Variants in ME1 observed in about 807,000 individuals in gnomAD.
ME1 encodes NADP-dependent malic enzyme.
In ME1, 74 loss-of-function variants were observed where a neutral mutation model predicts 66.4. The observed-to-expected ratio is 1.11, with a 90% CI of 0.92 to 1.35. The LOEUF (loss-of-function observed/expected upper bound fraction) is 1.35, where lower values mean the gene tolerates loss of function less well. Ranked by LOEUF, ME1 falls within the 40% of genes most tolerant of loss-of-function variation. The probability of loss-of-function intolerance (pLI) is 0.00; values close to 1 mark genes in which losing one functional copy is unlikely to be tolerated. For synonymous variants in ME1, 251 were observed against 235.6 expected, an observed-to-expected ratio of 1.07 and a Z score of -0.60; for missense variants, 750 against 694.1, an observed-to-expected ratio of 1.08 and a Z score of -0.90.
chr6:83,419,313 A>G (rs1770220824), intron 1 of ME1, among the ~76,000 whole-genome samples: 1 of 152,212 alleles, frequency 6.6e-6, no homozygotes, highest in Non-Finnish European at 1.5e-5. Context: ...AACTAGTTTC[A>G]GACTACCAGG....
At position 83,430,950 on chromosome 6, in the gene ME1, T is replaced by A. The variant is rs370496428; in HGVS notation, c.5A>T (p.Glu2Val). 4 of 1,570,582 alleles carry A rather than the reference T, an allele frequency of 2.5e-6. No individual in the cohort carries two copies. Among genetic ancestry groups the A allele is most frequent in the Non-Finnish European group, 3.4e-6 (4 of 1,160,930 alleles). Residue 2 changes from glutamate to valine, a missense_variant, in exon 1 of 14, where the codon GAG becomes GTG. Physicochemically the swap from Glu to Val is moderately radical, Grantham distance 121. Transcript: ENST00000369705. M[E>V]PEAPRRRHTH... Reference sequence around the variant, plus strand: ...GTGGCGGCGACGGGGGGCTTCGGGCTCCATGGCTGGCGCCGGGTTCGGCGG... The same window carrying A: ...GTGGCGGCGACGGGGGGCTTCGGGCACCATGGCTGGCGCCGGGTTCGGCGG...
chr6:83,419,162 G>C (rs1206445433), intron 1 of ME1, among the ~76,000 whole-genome samples: 1 of 152,136 alleles, frequency 6.6e-6, no homozygotes, highest in East Asian at 1.9e-4. Flanking sequence ...TTCCTGACTA[G>C]TTATTCCATT....
At chr6:83,353,723 A>G (rs758377267) in intron 3 of ME1, among the ~76,000 whole-genome samples, 1 of 152,160 alleles carries the variant, frequency 6.6e-6, no homozygotes, top group African/African-American at 2.4e-5. Flanking sequence ...CTGTCCCCTG[A>G]GTCCTTTTGA....
At chr6:83,325,772 T>A (rs998487745) in intron 5 of ME1, among the ~76,000 whole-genome samples, 2 of 152,064 alleles carry the variant, frequency 1.3e-5, no homozygotes, top group African/African-American at 4.8e-5. Context: ...GTCAATATCA[T>A]GAAACTGACC....
At chr6:83,374,580 TGCAG>T (rs1185199621) in intron 3 of ME1, among the ~76,000 whole-genome samples, 2 of 152,230 alleles carry the variant, frequency 1.3e-5, no homozygotes, top group African/African-American at 4.8e-5. Context: ...TCTTTTGCTG[TGCAG>T]AAGCTCTTTA....
At chr6:83,410,360 G>C (rs1029736420) in intron 1 of ME1, among the ~76,000 whole-genome samples, 13 of 152,096 alleles carry the variant, frequency 8.5e-5, no homozygotes, top group Admixed American at 8.5e-4. Context: ...AACCTGATTA[G>C]CATATTCATT....
intron 6 of ME1, among the ~76,000 whole-genome samples, chr6:83,268,869 G>C (rs1767037330): frequency 6.6e-6 from 1 of 151,886 alleles, no homozygotes; most frequent in South Asian, 2.1e-4. Context: ...GGGGGTTATA[G>C]GCATGAGCCA....
At chr6:83,300,081 G>C (rs1208819368) in intron 6 of ME1, among the ~76,000 whole-genome samples, 1 of 151,894 alleles carries the variant, frequency 6.6e-6, no homozygotes, top group African/African-American at 2.4e-5. Flanking sequence ...TTGGTTTTCT[G>C]CCAGGTTTTG....
At chr6:83,283,024 C>G (rs1322361337) in intron 6 of ME1, among the ~76,000 whole-genome samples, 7 of 151,000 alleles carry the variant, frequency 4.6e-5, no homozygotes, top group African/African-American at 1.7e-4. Context: ...GTCAGGAGAT[C>G]GAGACCATCC....
chr6:83,327,302 A>G (rs1768313966), intron 5 of ME1, among the ~76,000 whole-genome samples: 2 of 152,234 alleles, frequency 1.3e-5, no homozygotes. Context: ...AATAAGAGAG[A>G]TAACCTTAAA....
Position 83,392,563 on chromosome 6 carries a change from A to G in ME1, c.362+5804T>C, listed in dbSNP as rs878941063. On this transcript the variant is annotated intron_variant, in intron 3 of 13. Transcript: ENST00000369705. The stretch of plus-strand genomic sequence containing the variant: ...CAACACTGTCTACATGTTCCAGTAT[A>G]ATTCCGCCCATGGCAAATTCCACGG... The G allele has an allele frequency of 1.6e-4, 91 of 555,456 alleles. 1 individual carries two copies. The highest frequency in any genetic ancestry group is 1.2e-3 in the South Asian group (90 of 72,784). The allele number at this position is 555,456 out of a possible 1,614,324, so 34.4% of individuals were successfully genotyped here. A position where few individuals can be genotyped will look rare whatever the true frequency, so the allele number is the denominator to read the frequency against.
At chr6:83,278,699 T>G (rs1767236071) in intron 6 of ME1, among the ~76,000 whole-genome samples, 2 of 151,774 alleles carry the variant, frequency 1.3e-5, no homozygotes, top group East Asian at 3.9e-4. Context: ...GCTCAGGCAA[T>G]CCTCCCACCT....
At chr6:83,396,475 A>G (rs1769733496) in intron 3 of ME1, among the ~76,000 whole-genome samples, 1 of 152,228 alleles carries the variant, frequency 6.6e-6, no homozygotes, top group Non-Finnish European at 1.5e-5. Flanking sequence ...AAAATTTAAG[A>G]CACAAATAAA....
At position 83,212,031 on chromosome 6, in the gene ME1, C is replaced by T. The variant is rs1363478764; in HGVS notation, c.1612G>A (p.Ala538Thr). 1 of 1,612,878 alleles carries T rather than the reference C, an allele frequency of 6.2e-7. No individual in the cohort carries two copies. Among genetic ancestry groups the T allele is most frequent in the South Asian group, 1.1e-5 (1 of 90,966 alleles). ...TVYPEPQNKE[A>T]FVRSQMYSTD... Reference sequence around the variant, plus strand: ...CTATACATCTGGGAGCGGACAAATGCTTCTTTGTTTTGCGGTTCAGGATAA... The same window carrying T: ...CTATACATCTGGGAGCGGACAAATGTTTCTTTGTTTTGCGGTTCAGGATAA... Residue 538 changes from alanine (A) to threonine (T), a missense_variant, in exon 14 of 14, where the codon GCA becomes ACA. Coordinates refer to ENST00000369705, the MANE Select transcript of ME1 (RefSeq NM_002395.6).
intron 1 of ME1, among the ~76,000 whole-genome samples, chr6:83,408,955 C>T (rs944762625): frequency 7.2e-5 from 11 of 152,074 alleles, no homozygotes; most frequent in East Asian, 5.8e-4. Flanking sequence ...ACCCCCAAGG[C>T]GATGGCATAG....
intron 3 of ME1, chr6:83,393,075 A>C: frequency 6.9e-7 from 1 of 1,448,354 alleles, no homozygotes; most frequent in Non-Finnish European, 9.6e-7. Flanking sequence ...CCCTGAGCTA[A>C]ACGGGAAGCT....
Position 83,340,681 on chromosome 6 carries a change from A to G in ME1, c.600+5492T>C, listed in dbSNP as rs76448122. Among the ~76,000 whole-genome samples the G allele has an allele frequency of 2.2e-4, 32 of 146,966 alleles. No individual in the cohort carries two copies. In the East Asian group the frequency reaches 6.4e-3, roughly 29 times the overall value. On this transcript the variant is annotated intron_variant, in intron 5 of 13. Coordinates refer to ENST00000369705, the MANE Select transcript of ME1 (RefSeq NM_002395.6). ...AATTAGCAATTTCTTGTTATGTGCT[A>G]TTTTTTTTTTTTTACCAAGTTTGGA...
chr6:83,315,201 A>G lies in ME1; in HGVS notation c.704+109T>C. The G allele has an allele frequency of 4.5e-6, 3 of 667,968 alleles. 1 individual carries two copies. Among genetic ancestry groups the G allele is most frequent in the Non-Finnish European group, 7.9e-6 (3 of 380,676 alleles). 41.4% of individuals were successfully genotyped at this position (667,968 alleles called of 1,614,324 possible). On this transcript the variant is annotated intron_variant, in intron 6 of 13. Coordinates refer to ENST00000369705, the MANE Select transcript of ME1 (RefSeq NM_002395.6). The stretch of plus-strand genomic sequence containing the variant: ...AATAGATAGGATATATGCATTTTTC[A>G]TTCAAATTACTTCTAATTATTAAAC...
At chr6:83,301,971 A>G (rs560568054) in intron 6 of ME1, among the ~76,000 whole-genome samples, 30 of 152,286 alleles carry the variant, frequency 2.0e-4, no homozygotes, top group Admixed American at 1.9e-3. Flanking sequence ...AATATAAATC[A>G]ATGTACCATA....
Sources: gnomAD v4.1 joint callset for allele counts (sites outside exome capture counted in the v4.1 genomes callset) on GRCh38, gnomAD v4.1.1 for gene constraint, MANE v1.5 for transcripts, NCBI Gene and HGNC (gene_info 2026-07-23, HGNC 2026-07-21) for gene names.